The following ZFYVE1 variants were observed in gnomAD, a reference collection of about 807,000 sequenced individuals.
The protein encoded by ZFYVE1 is zinc finger FYVE domain-containing protein 1.
Under a neutral mutation model 74.4 loss-of-function variants are expected in ZFYVE1, and 30 were observed. The ratio of observed to expected loss-of-function variants is 0.40; its 90% CI spans 0.30 to 0.55. The LOEUF (loss-of-function observed/expected upper bound fraction) is 0.55, where lower values mean the gene tolerates loss of function less well. ZFYVE1 is among the 20% of genes least tolerant of loss of function. ZFYVE1 has a pLI of 0.42. For missense variants in ZFYVE1, 703 were observed against 1,011.6 expected (o/e 0.69, Z 4.14); for synonymous variants, 335 against 385.1 (o/e 0.87, Z 1.52).
At chr14:73,003,623 T>A (rs1171224285) in intron 2 of ZFYVE1, among the ~76,000 whole-genome samples, 1 of 151,732 alleles carries the variant, frequency 6.6e-6, no homozygotes, top group African/African-American at 2.4e-5. Flanking sequence ...GACAGGAGAA[T>A]CACTTGAGCC....
intron 2 of ZFYVE1, among the ~76,000 whole-genome samples, chr14:72,999,725 T>C (rs1254746421): frequency 6.6e-6 from 1 of 151,928 alleles, no homozygotes; most frequent in Non-Finnish European, 1.5e-5. Context: ...AGCCCAGGAG[T>C]TTACAGCCAC....
chr14:73,002,985 G>A (rs1467743888), intron 2 of ZFYVE1, among the ~76,000 whole-genome samples: 33 of 149,172 alleles, frequency 2.2e-4, no homozygotes, highest in African/African-American at 7.6e-4. Context: ...CTCGTGATCC[G>A]CCCGCCTCGG....
At chr14:73,008,016 G>A (rs763887887) in intron 2 of ZFYVE1, among the ~76,000 whole-genome samples, 3 of 152,212 alleles carry the variant, frequency 2.0e-5, no homozygotes, top group Non-Finnish European at 4.4e-5. Context: ...TTCCACTCTA[G>A]TGTCCCCAAA....
intron 2 of ZFYVE1, among the ~76,000 whole-genome samples, chr14:73,023,243 T>TATATATTATATATGTTTTATATATA: frequency 8.5e-6 from 1 of 117,822 alleles, no homozygotes; most frequent in East Asian, 2.4e-4. Flanking sequence ...TTATATGTAA[T>TATATATTATATATGTTTTATATATA]ATATATATTA....
At chr14:72,989,583 A>G (rs548418927) in intron 4 of ZFYVE1, among the ~76,000 whole-genome samples, 2 of 152,320 alleles carry the variant, frequency 1.3e-5, no homozygotes, top group South Asian at 2.1e-4. Context: ...TAAAATAACC[A>G]AATACTCAAA....
intron 2 of ZFYVE1, among the ~76,000 whole-genome samples, chr14:73,005,159 C>G (rs770256115): frequency 1.3e-5 from 2 of 152,124 alleles, no homozygotes; most frequent in Non-Finnish European, 2.9e-5. Flanking sequence ...TCATCCTTAA[C>G]ACATGAGTAT....
intron 2 of ZFYVE1, among the ~76,000 whole-genome samples, chr14:72,999,366 G>A (rs1443285248): frequency 1.3e-5 from 2 of 152,054 alleles, no homozygotes; most frequent in East Asian, 1.9e-4. Context: ...AGCAGAGGTT[G>A]CAGTGAGCAG....
At chr14:73,018,081 T>C (rs557563393) in intron 2 of ZFYVE1, among the ~76,000 whole-genome samples, 1 of 152,262 alleles carries the variant, frequency 6.6e-6, no homozygotes, top group South Asian at 2.1e-4. Context: ...TCCCATTCCC[T>C]CTATCTGGAG....
chr14:72,972,482 T>C (rs1003028541), intron 11 of ZFYVE1, among the ~76,000 whole-genome samples: 4 of 152,128 alleles, frequency 2.6e-5, no homozygotes, highest in Non-Finnish European at 5.9e-5. Flanking sequence ...ATCCAGCAAT[T>C]CCTACATCAT....
At position 72,998,070 on chromosome 14, in the gene ZFYVE1, G is replaced by T; in HGVS notation, c.729C>A (p.Thr243=). 1 of 1,614,102 alleles carries T rather than the reference G, an allele frequency of 6.2e-7. No homozygotes were observed. The highest frequency in any genetic ancestry group is 8.5e-7 in the Non-Finnish European group (1 of 1,180,022). Reference sequence around the variant, plus strand: ...GCCGTGTTCTCTGGCTTAGATTCACGGTGGCCCCCAGGAGCCCTTCCGTAT... The same window carrying T: ...GCCGTGTTCTCTGGCTTAGATTCACTGTGGCCCCCAGGAGCCCTTCCGTAT... The part of the protein sequence containing the change: ...VIDTEGLLGA[T]VNLSQRTRLL... Residue 243 remains threonine (T), a synonymous_variant, in exon 3 of 12, where the codon ACC becomes ACA. Transcript: ENST00000556143.
intron 4 of ZFYVE1, among the ~76,000 whole-genome samples, chr14:72,983,612 T>C (rs866601722): frequency 1.7e-4 from 26 of 152,020 alleles, no homozygotes; most frequent in African/African-American, 6.0e-4. Flanking sequence ...TGATGGACAT[T>C]TGGGTTGGTT....
At chr14:72,999,284 G>T (rs1893819029) in intron 2 of ZFYVE1, among the ~76,000 whole-genome samples, 1 of 152,114 alleles carries the variant, frequency 6.6e-6, no homozygotes, top group South Asian at 2.1e-4. Flanking sequence ...AAAATTAGCT[G>T]GGCATGGTGG....
chr14:73,024,481 T>G lies in ZFYVE1; in HGVS notation c.28A>C (p.Lys10Gln), dbSNP rs143632615. The G allele has an allele frequency of 1.2e-6, 2 of 1,610,316 alleles. No individual in the cohort carries two copies. The highest frequency in any genetic ancestry group is 1.7e-5 in the Admixed American group (1 of 59,628). The change falls in exon 2 of 12, where the codon AAG (lysine) becomes CAG (glutamine). Residue 10 changes from lysine (K) to glutamine (Q), a missense_variant. Lys to Gln is a moderately conservative substitution (Grantham distance 53, BLOSUM62 1). Around this residue, in one of 2 missense-constraint regions of ZFYVE1, gnomAD observed 211 missense variants for 221.7 expected, o/e 0.95. Coordinates refer to ENST00000556143, the MANE Select transcript of ZFYVE1 (RefSeq NM_021260.4). ...CACATCAGCCCCGGATTCAGGCCCT[T>G]CTCTGCTGGGGAAGTCTGGGCACTC... MSAQTSPAE[K>Q]GLNPGLMCQE...
intron 3 of ZFYVE1, among the ~76,000 whole-genome samples, chr14:72,995,019 G>T (rs952125060): frequency 6.6e-6 from 1 of 152,166 alleles, no homozygotes; most frequent in African/African-American, 2.4e-5. Flanking sequence ...TTCAATAAAT[G>T]TATCGGTGAT....
At position 72,971,101 on chromosome 14, in the gene ZFYVE1, G is replaced by A. The variant is rs751050787; in HGVS notation, c.2115C>T (p.Asp705=). 8.1e-6 allele frequency: 13 copies of A among 1,613,990 alleles called. No homozygotes were observed. The highest frequency in any genetic ancestry group is 6.7e-5 in the East Asian group (3 of 44,900). Reference sequence around the variant, plus strand: ...GCACCCAGTACGCAGGCCTGGCCGCGTCCTTTACCAGACCTAAGGCAGGGA... The same window carrying A: ...GCACCCAGTACGCAGGCCTGGCCGCATCCTTTACCAGACCTAAGGCAGGGA... ...AIDIPLGLVK[D]AARPAYWVPD... The change falls in exon 12 of 12, where the codon GAC becomes GAT. Residue 705 remains aspartate (D), a synonymous_variant. Coordinates refer to ENST00000556143, the MANE Select transcript of ZFYVE1 (RefSeq NM_021260.4).
chr14:73,005,140 C>A (rs1342426795), intron 2 of ZFYVE1, among the ~76,000 whole-genome samples: 8 of 152,258 alleles, frequency 5.3e-5, no homozygotes, highest in Non-Finnish European at 1.2e-4. Context: ...TCCTGATATA[C>A]TACTAAATTC....
chr14:73,008,881 G>A (rs533917382), intron 2 of ZFYVE1, among the ~76,000 whole-genome samples: 2 of 152,188 alleles, frequency 1.3e-5, no homozygotes, highest in Admixed American at 6.5e-5. Flanking sequence ...AGAAAAGAGA[G>A]TTAGGTTTAA....
chr14:72,984,585 T>C (rs1244218564), intron 4 of ZFYVE1, among the ~76,000 whole-genome samples: 2 of 151,878 alleles, frequency 1.3e-5, no homozygotes, highest in African/African-American at 4.8e-5. Flanking sequence ...AATGAATATA[T>C]AGAAATGCTG....
rs866975150 is a variant in ZFYVE1 at position 72,983,096 on chromosome 14, C to T, written c.1204-1201G>A. Among the ~76,000 whole-genome samples, 9 of 152,098 alleles carry T rather than the reference C, an allele frequency of 5.9e-5. 1 individual carries two copies. The highest frequency in any genetic ancestry group is 1.3e-4 in the Non-Finnish European group (9 of 68,012). ...CAGGCCTCAGGTGATCCACCCGCCT[C>T]GGCCTCACAAAGTGCTGGGATTACA... On this transcript the variant is annotated intron_variant, in intron 4 of 11. Transcript: ENST00000556143.
Sources: allele counts gnomAD v4.1 joint callset (sites outside exome capture counted in the v4.1 genomes callset), GRCh38; gene constraint gnomAD v4.1.1; regional missense constraint gnomAD v4.1.1; transcripts MANE v1.5; gene names NCBI Gene and HGNC (gene_info 2026-07-23, HGNC 2026-07-21).